SETBP1: variants seen among roughly 807,000 people sequenced by gnomAD.
SETBP1 encodes SET binding protein 1, also known as SET-binding protein.
Under a neutral mutation model 101.0 loss-of-function variants are expected in SETBP1, and 9 were observed. The ratio of observed to expected loss-of-function variants is 0.09; its 90% CI spans 0.05 to 0.16. The LOEUF (loss-of-function observed/expected upper bound fraction) is 0.16. SETBP1 is among the 10% of genes least tolerant of loss of function. The probability of loss-of-function intolerance (pLI) is 1.00; values close to 1 mark genes in which losing one functional copy is unlikely to be tolerated. For missense variants in SETBP1, 1,858 were observed against 2,033.8 expected, an observed-to-expected ratio of 0.91 and a Z score of 1.66; for synonymous variants, 818 against 788.5, an observed-to-expected ratio of 1.04 and a Z score of -0.63.
intron 4 of SETBP1, among the ~76,000 whole-genome samples, chr18:45,009,148 C>T (rs1354469787): frequency 2.6e-5 from 4 of 152,032 alleles, no homozygotes; most frequent in Admixed American, 6.6e-5. Context: ...CACAGGGCAC[C>T]GGAAGGAGTT....
chr18:44,836,127 T>TC (rs1255203145), intron 2 of SETBP1, among the ~76,000 whole-genome samples: 1 of 151,834 alleles, frequency 6.6e-6, no homozygotes, highest in East Asian at 1.9e-4. Context: ...AGCTTTTTTT[T>TC]TTTTATTGTA....
chr18:45,058,105 C>T (rs775679889), intron 5 of SETBP1, among the ~76,000 whole-genome samples: 2 of 152,088 alleles, frequency 1.3e-5, no homozygotes, highest in Non-Finnish European at 2.9e-5. Context: ...TTTGTATTGC[C>T]GAGTTATGAA....
chr18:44,990,032 G>A (rs1004853113), intron 4 of SETBP1, among the ~76,000 whole-genome samples: 1 of 151,710 alleles, frequency 6.6e-6, no homozygotes, highest in African/African-American at 2.4e-5. Context: ...CTAGTATATG[G>A]TTAAAAACTA....
Position 44,950,011 on chromosome 18 carries a change from C to G in SETBP1, c.671C>G (p.Thr224Ser), listed in dbSNP as rs755762478. 7.4e-6 allele frequency: 12 copies of G among 1,614,044 alleles called. No individual in the cohort carries two copies. Among genetic ancestry groups the G allele is most frequent in the Non-Finnish European group, 1.0e-5 (12 of 1,180,008 alleles). Residue 224 changes from threonine (T) to serine (S), a missense_variant, in exon 4 of 6, where the codon ACC becomes AGC. Coordinates refer to ENST00000649279, the MANE Select transcript of SETBP1 (RefSeq NM_015559.3). ...AGCCAGAACCACATGGACTGGTCCACCAACTCTGACAGCGGACCCGTCACT... is the reference window on the plus strand; with the variant it reads ...AGCCAGAACCACATGGACTGGTCCAGCAACTCTGACAGCGGACCCGTCACT... Reference protein sequence around the residue: ...SSSQNHMDWSTNSDSGPVTQN... With the variant: ...SSSQNHMDWSSNSDSGPVTQN...
chr18:44,867,069 C>T lies in SETBP1; in HGVS notation c.487-2161C>T, dbSNP rs1056341406. 5.9e-5 allele frequency among the ~76,000 whole-genome samples: 9 copies of T among 152,302 alleles called. No individual in the cohort carries two copies. In the South Asian group the frequency reaches 6.2e-4, roughly 11 times the overall value. On this transcript the variant is annotated intron_variant, in intron 2 of 5. Transcript: ENST00000649279. ...TAGTTGGGGATTTAAATCCCAAATA[C>T]ATGTACTAGCTGTGAAACCTAGAAA...
chr18:44,990,811 A>G (rs763014250), intron 4 of SETBP1, among the ~76,000 whole-genome samples: 28 of 151,992 alleles, frequency 1.8e-4, no homozygotes, highest in Non-Finnish European at 3.5e-4. Context: ...TGTTTTAGAA[A>G]AGTGTAAAGG....
At chr18:44,704,561 G>C (rs1183621311) in intron 2 of SETBP1, among the ~76,000 whole-genome samples, 2 of 152,178 alleles carry the variant, frequency 1.3e-5, no homozygotes, top group African/African-American at 2.4e-5. Flanking sequence ...TATCATCACT[G>C]AGTCTCAATT....
At chr18:44,893,830 T>TTG (rs371096635) in intron 3 of SETBP1, among the ~76,000 whole-genome samples, 2 of 151,906 alleles carry the variant, frequency 1.3e-5, no homozygotes, top group East Asian at 1.9e-4. Context: ...AAATACCTAT[T>TTG]TGTGTGTGTG....
chr18:45,033,956 GT>G (rs1846740750), intron 4 of SETBP1, among the ~76,000 whole-genome samples: 1 of 152,068 alleles, frequency 6.6e-6, no homozygotes, highest in Admixed American at 6.6e-5. Context: ...ATTTTTGTTT[GT>G]TTTTCTTCCT....
At chr18:44,847,318 C>G (rs183078312) in intron 2 of SETBP1, among the ~76,000 whole-genome samples, 1 of 152,342 alleles carries the variant, frequency 6.6e-6, no homozygotes, top group East Asian at 1.9e-4. Context: ...TAGTGCCTTA[C>G]GCAGTTCTGC....
At chr18:44,930,191 A>G (rs531896954) in intron 3 of SETBP1, among the ~76,000 whole-genome samples, 1 of 152,336 alleles carries the variant, frequency 6.6e-6, no homozygotes, top group African/African-American at 2.4e-5. Flanking sequence ...CTATTGAGAT[A>G]TTCATGTGGT....
chr18:44,821,761 G>A (rs1015096415), intron 2 of SETBP1, among the ~76,000 whole-genome samples: 1 of 152,188 alleles, frequency 6.6e-6, no homozygotes, highest in African/African-American at 2.4e-5. Flanking sequence ...ACTCATGGGT[G>A]GAAGCTACAA....
intron 5 of SETBP1, among the ~76,000 whole-genome samples, chr18:45,044,566 G>A (rs973408807): frequency 2.0e-5 from 3 of 152,100 alleles, no homozygotes; most frequent in African/African-American, 7.2e-5. Flanking sequence ...GCTCTTTTCT[G>A]ATTTAATCTG....
At chr18:44,868,737 A>T in intron 2 of SETBP1, among the ~76,000 whole-genome samples, 1 of 59,964 alleles carries the variant, frequency 1.7e-5, no homozygotes. Context: ...GAAGGAAGGA[A>T]GGAAGGAAGG....
chr18:44,725,028 TTCAC>T (rs1414480302), intron 2 of SETBP1, among the ~76,000 whole-genome samples: 1 of 152,216 alleles, frequency 6.6e-6, no homozygotes, highest in Non-Finnish European at 1.5e-5. Context: ...CATTCATTTC[TTCAC>T]TCACTCATTT....
At chr18:44,791,219 G>C (rs1427581884) in intron 2 of SETBP1, among the ~76,000 whole-genome samples, 1 of 152,180 alleles carries the variant, frequency 6.6e-6, no homozygotes, top group Admixed American at 6.5e-5. Flanking sequence ...CTTGTATCTA[G>C]TGGGTAGAGG....
At chr18:44,940,745 T>C (rs115399232) in intron 3 of SETBP1, among the ~76,000 whole-genome samples, 1 of 152,214 alleles carries the variant, frequency 6.6e-6, no homozygotes, top group South Asian at 2.1e-4. Context: ...AAGTCACTTG[T>C]CTTTTAACAA....
Position 44,864,258 on chromosome 18 carries a change from T to C in SETBP1, c.487-4972T>C, listed in dbSNP as rs368592759. ...ATGCTAGTGGCAGCTGTACCATGGA[T>C]AGTTTTGGGTGGGAGACGCAAAGAG... On this transcript the variant is annotated intron_variant, in intron 2 of 5. Transcript: ENST00000649279. Among the ~76,000 whole-genome samples the C allele has an allele frequency of 6.6e-5, 10 of 152,190 alleles. No homozygotes were observed. In the East Asian group the frequency reaches 1.6e-3, roughly 24 times the overall value.
At chr18:44,704,316 A>G (rs1160023345) in intron 2 of SETBP1, among the ~76,000 whole-genome samples, 3 of 152,210 alleles carry the variant, frequency 2.0e-5, no homozygotes, top group African/African-American at 4.8e-5. Context: ...AAAATTGCTT[A>G]TTTGAATATG....
Sources: allele counts gnomAD v4.1 joint callset (sites outside exome capture counted in the v4.1 genomes callset), GRCh38; gene constraint gnomAD v4.1.1; transcripts MANE v1.5; gene names NCBI Gene and HGNC (gene_info 2026-07-23, HGNC 2026-07-21).